SLC22A4: variants seen among roughly 807,000 people sequenced by gnomAD.
SLC22A4 encodes ET transporter.
SLC22A4 carries 39 observed loss-of-function variants against 56.6 expected under a neutral mutation model. The ratio of observed to expected loss-of-function variants is 0.69; its 90% CI spans 0.53 to 0.90. The LOEUF is 0.90. Among genes scored for constraint, SLC22A4 ranks in the 40% least tolerant of loss-of-function variants. SLC22A4 has a pLI of 0.00. For synonymous variants in SLC22A4, 241 were observed against 281.4 expected (o/e 0.86, Z 1.44); for missense variants, 594 against 696.5 (o/e 0.85, Z 1.66).
intron 8 of SLC22A4, among the ~76,000 whole-genome samples, chr5:132,340,150 G>A (rs1403616174): frequency 3.7e-5 from 5 of 136,264 alleles, no homozygotes; most frequent in Non-Finnish European, 7.6e-5. Flanking sequence ...GGCAAAAGCA[G>A]AGTCATGCCA....
In SLC22A4 at chr5:132,334,702, T is replaced by C. The variant is rs776719803; in HGVS notation, c.1047-16T>C. 4 of 1,583,930 alleles carry C rather than the reference T, an allele frequency of 2.5e-6. No individual in the cohort carries two copies. Among genetic ancestry groups the C allele is most frequent in the Non-Finnish European group, 3.5e-6 (4 of 1,152,414 alleles). On this transcript the variant is annotated splice_polypyrimidine_tract_variant and intron_variant, in intron 6 of 9. Transcript: ENST00000200652. ...ATTCACACCATCCCTTTGTCATTTT[T>C]ACCTTCTTCTTTCAGGATGCTGACC...
chr5:132,322,487 C>T (rs1017362572), intron 4 of SLC22A4, 132 bp downstream of exon 4: 6 of 867,296 alleles, frequency 6.9e-6, no homozygotes, highest in African/African-American at 6.6e-5. Context: ...GCTTCCAAGC[C>T]GGGAGAGTTT....
At chr5:132,310,511 G>A (rs1156267526) in intron 1 of SLC22A4, among the ~76,000 whole-genome samples, 2 of 152,220 alleles carry the variant, frequency 1.3e-5, no homozygotes, top group African/African-American at 4.8e-5. Flanking sequence ...GCCCATGCAA[G>A]AGCCCCAGGC....
chr5:132,322,594 CACTCCTGTCTGTTGCT>C (rs1434367008), intron 4 of SLC22A4, among the ~76,000 whole-genome samples: 1 of 152,166 alleles, frequency 6.6e-6, no homozygotes, highest in African/African-American at 2.4e-5. Context: ...TGATACCAGC[CACTCCTGTCTGTTGCT>C]ACTTGTTATT....
chr5:132,333,140 A>T (rs1400818226), intron 6 of SLC22A4, among the ~76,000 whole-genome samples: 4 of 152,106 alleles, frequency 2.6e-5, no homozygotes, highest in Non-Finnish European at 1.5e-5. Flanking sequence ...TCCTGAAGTC[A>T]TTTTTCAGAT....
chr5:132,317,743 G>A (rs780197663), intron 3 of SLC22A4, among the ~76,000 whole-genome samples: 2 of 152,140 alleles, frequency 1.3e-5, no homozygotes, highest in Non-Finnish European at 2.9e-5. Flanking sequence ...AGTCAGCTGC[G>A]TATTTTTGAT....
intron 5 of SLC22A4, among the ~76,000 whole-genome samples, chr5:132,327,898 G>A (rs1561544145): frequency 6.6e-6 from 1 of 152,150 alleles, no homozygotes; most frequent in Non-Finnish European, 1.5e-5. Context: ...ATTCACCCTT[G>A]AAAGCTGGTG....
At position 132,334,929 on chromosome 5, in the gene SLC22A4, G is replaced by A; in HGVS notation, c.1258G>A (p.Val420Met). The A allele has an allele frequency of 1.2e-6, 2 of 1,608,986 alleles. No individual in the cohort carries two copies. Among genetic ancestry groups the A allele is most frequent in the Non-Finnish European group, 8.5e-7 (1 of 1,176,198 alleles). Reference protein sequence around the residue: ...GVLLFIQLVPVDYYFLSIGLV... With the variant: ...GVLLFIQLVPMDYYFLSIGLV... ...GCTTCTCTTCATTCAACTGGTACCTGTGGGTAAGAAGTTAACCAAGATGAA... is the reference window on the plus strand; with the variant it reads ...GCTTCTCTTCATTCAACTGGTACCTATGGGTAAGAAGTTAACCAAGATGAA... The change falls in exon 7 of 10, where the codon GTG becomes ATG. Residue 420 changes from valine to methionine, a missense_variant. Coordinates refer to ENST00000200652, the MANE Select transcript of SLC22A4 (RefSeq NM_003059.3).
intron 8 of SLC22A4, among the ~76,000 whole-genome samples, chr5:132,340,272 T>A (rs1332712100): frequency 6.6e-6 from 1 of 151,954 alleles, no homozygotes. Context: ...AGAACTCTGG[T>A]AGGCAAAGAA....
chr5:132,339,992 A>C (rs2126744042), intron 8 of SLC22A4, among the ~76,000 whole-genome samples: 1 of 152,040 alleles, frequency 6.6e-6, no homozygotes. Context: ...CCAGGCACAC[A>C]GTGCCTTTAC....
intron 1 of SLC22A4, among the ~76,000 whole-genome samples, chr5:132,300,551 A>G (rs112405061): frequency 6.6e-5 from 10 of 152,210 alleles, no homozygotes; most frequent in African/African-American, 2.4e-4. Context: ...AATGTATGCA[A>G]TTGTTAACTT....
At chr5:132,336,869 G>A (rs1751039509) in intron 8 of SLC22A4, among the ~76,000 whole-genome samples, 2 of 152,090 alleles carry the variant, frequency 1.3e-5, no homozygotes, top group Non-Finnish European at 2.9e-5. Context: ...TGGTTTTCTA[G>A]GGATCCTCCT....
chr5:132,304,924 A>G (rs1749990052), intron 1 of SLC22A4, among the ~76,000 whole-genome samples: 1 of 152,232 alleles, frequency 6.6e-6, no homozygotes, highest in African/African-American at 2.4e-5. Context: ...GAGAATAGCA[A>G]TAAAGAGAGA....
At position 132,335,809 on chromosome 5, in the gene SLC22A4, CT is replaced by C; in HGVS notation, c.1262-5del. On this transcript the variant is annotated splice_region_variant and splice_polypyrimidine_tract_variant and intron_variant, in intron 7 of 9. Coordinates refer to ENST00000200652, the MANE Select transcript of SLC22A4 (RefSeq NM_003059.3). ...AAGCACCATTGTTTATACCGGGTCT[CT>C]TTTCCAGATTATTACTTCTTATCCA... 1 of 1,612,346 alleles carries C rather than the reference CT, an allele frequency of 6.2e-7. No homozygotes were observed. Among genetic ancestry groups the C allele is most frequent in the Non-Finnish European group, 8.5e-7 (1 of 1,178,392 alleles).
At chr5:132,297,429 C>T (rs35970584) in intron 1 of SLC22A4, among the ~76,000 whole-genome samples, 2,783 of 152,204 alleles carry the variant, frequency 0.018, 41 homozygotes, top group Non-Finnish European at 0.03. Context: ...GGCTCTCCCC[C>T]AGAGGGGCGG....
At chr5:132,318,821 C>T (rs1287968887) in intron 3 of SLC22A4, among the ~76,000 whole-genome samples, 2 of 152,090 alleles carry the variant, frequency 1.3e-5, no homozygotes, top group Non-Finnish European at 2.9e-5. Flanking sequence ...AGGCTTTGCC[C>T]TAGAAGCAAA....
chr5:132,296,798 G>A (rs920833302), intron 1 of SLC22A4, among the ~76,000 whole-genome samples: 11 of 152,210 alleles, frequency 7.2e-5, no homozygotes, highest in Non-Finnish European at 1.5e-4. Flanking sequence ...CCTGGCAGCT[G>A]GGCTGACCTG....
chr5:132,341,949 A>G (rs10075801), intron 9 of SLC22A4, among the ~76,000 whole-genome samples: 47,425 of 151,868 alleles, frequency 0.31, 9,531 homozygotes, highest in Non-Finnish European at 0.46. Context: ...TCCGTCTCCA[A>G]AAAAAAAACA....
At position 132,334,960 on chromosome 5, in the gene SLC22A4, T is replaced by G. The variant is rs539183945; in HGVS notation, c.1261+28T>G. On this transcript the variant is annotated intron_variant, in intron 7 of 9. Transcript: ENST00000200652. Reference sequence around the variant, plus strand: ...AAGAAGTTAACCAAGATGAACAGCTTACCAGAAAAGACCCACATATTGACT... The same window carrying G: ...AAGAAGTTAACCAAGATGAACAGCTGACCAGAAAAGACCCACATATTGACT... 2.6e-6 allele frequency: 4 copies of G among 1,521,692 alleles called. No individual in the cohort carries two copies. The South Asian group carries it at 4.5e-5, about 17-fold the overall frequency. The allele number at this position is 1,521,692 out of a possible 1,614,324, so 94.3% of individuals were successfully genotyped here. A position where few individuals can be genotyped will look rare whatever the true frequency, so the allele number is the denominator to read the frequency against.
Sources: gnomAD v4.1 joint callset for allele counts (sites outside exome capture counted in the v4.1 genomes callset) on GRCh38, gnomAD v4.1.1 for gene constraint, MANE v1.5 for transcripts, NCBI Gene and HGNC (gene_info 2026-07-23, HGNC 2026-07-21) for gene names.